Variants in MGST1 observed in about 807,000 individuals in gnomAD.
MGST1 encodes the protein glutathione S-transferase 12.
Under a neutral mutation model 8.9 loss-of-function variants are expected in MGST1, and 5 were observed. The ratio of observed to expected loss-of-function variants is 0.56; its 90% confidence interval spans 0.29 to 1.19. MGST1 has a LOEUF of 1.19. Among genes scored for constraint, MGST1 ranks in the 50% most tolerant of loss-of-function variants. The pLI is 0.08. For synonymous variants in MGST1, 54 were observed against 67.8 expected, an observed-to-expected ratio of 0.80 and a Z score of 1.00; for missense variants, 182 against 187.4, an observed-to-expected ratio of 0.97 and a Z score of 0.17.
chr12:16,351,492 C>T (rs1445175881), intron 1 of MGST1, among the ~76,000 whole-genome samples: 2 of 152,032 alleles, frequency 1.3e-5, no homozygotes, highest in African/African-American at 4.8e-5. Flanking sequence ...TAAATCCAAG[C>T]TGTATATTTT....
At chr12:16,541,583 A>C (rs1342703599) in intron 4 of MGST1, among the ~76,000 whole-genome samples, 1 of 152,220 alleles carries the variant, frequency 6.6e-6, no homozygotes, top group East Asian at 1.9e-4. Context: ...TGGAAATACT[A>C]ACTTTACATT....
downstream of MGST1, among the ~76,000 whole-genome samples, chr12:16,442,315 T>A (rs1941045586): frequency 6.6e-6 from 1 of 151,860 alleles, no homozygotes; most frequent in African/African-American, 2.4e-5. The surrounding 1 kb of genome is among the most constrained non-coding windows in gnomAD (Gnocchi z 4.5). Context: ...GTTTTAATTT[T>A]AATGAAGTCT....
At chr12:16,383,326 C>T (rs1319324680) in exon 1 of MGST1, 2 of 152,274 alleles carry the variant, frequency 1.3e-5, no homozygotes, top group Non-Finnish European at 2.9e-5. Flanking sequence ...TTGCACTCCA[C>T]AGAGGAAGGT....
chr12:16,426,820 A>T (rs1218535648), intron 1 of MGST1, among the ~76,000 whole-genome samples: 6 of 152,056 alleles, frequency 3.9e-5, no homozygotes, highest in Non-Finnish European at 8.8e-5. Flanking sequence ...CAACAAAAAA[A>T]AATTAGCCGG....
intron 4 of MGST1, among the ~76,000 whole-genome samples, chr12:16,524,351 C>G (rs1232587631): frequency 2.6e-5 from 4 of 151,964 alleles, no homozygotes; most frequent in Non-Finnish European, 4.4e-5. Flanking sequence ...AAAAAAAATA[C>G]TTCCAAACCT....
chr12:16,570,887 TTAA>T (rs1486754407), intron 4 of MGST1, among the ~76,000 whole-genome samples: 1 of 152,156 alleles, frequency 6.6e-6, no homozygotes, highest in African/African-American at 2.4e-5. Context: ...TCTTCTAGGG[TTAA>T]TTATTATTAC....
At chr12:16,425,802 T>A (rs1232084406) in intron 1 of MGST1, among the ~76,000 whole-genome samples, 1 of 152,230 alleles carries the variant, frequency 6.6e-6, no homozygotes, top group Non-Finnish European at 1.5e-5. Context: ...TCAAAGTCCT[T>A]ATTTTCCCCA....
intron 1 of MGST1, among the ~76,000 whole-genome samples, chr12:16,418,595 G>A (rs558493570): frequency 2.0e-5 from 3 of 152,134 alleles, no homozygotes; most frequent in South Asian, 2.1e-4. Flanking sequence ...TTAGTTTTCC[G>A]AGAGACTATA....
chr12:16,379,993 A>T (rs1161150606), downstream of MGST1, among the ~76,000 whole-genome samples: 1 of 152,046 alleles, frequency 6.6e-6, no homozygotes, highest in Non-Finnish European at 1.5e-5. Context: ...CGGTGGTGAT[A>T]TCCCCTTTAT....
At chr12:16,485,510 C>G (rs971717570) in intron 4 of MGST1, among the ~76,000 whole-genome samples, 1 of 152,152 alleles carries the variant, frequency 6.6e-6, no homozygotes, top group African/African-American at 2.4e-5. Flanking sequence ...GGATTCATTA[C>G]TTTACCGAAT....
rs1941199630 is a variant in MGST1, at chr12:16,458,998, G to C, written n.482+75394G>C. Among the ~76,000 whole-genome samples, 1 of 151,988 alleles carries C rather than the reference G, an allele frequency of 6.6e-6. No homozygotes were observed. The highest frequency in any genetic ancestry group is 2.4e-5 in the African/African-American group (1 of 41,408). On this transcript the variant is annotated intron_variant and non_coding_transcript_variant, in intron 4 of 4. Coordinates refer to the MGST1 transcript ENST00000538857. This position sits in a 1 kb window ranked among gnomAD's most constrained non-coding sequence, Gnocchi z 4.0. ...CCCAGAGCACTGCTGAGCCTTGTTA[G>C]CAACCCTGGCCTACCTATTATCATC...
intron 4 of MGST1, among the ~76,000 whole-genome samples, chr12:16,536,360 A>G (rs1004282212): frequency 1.3e-5 from 2 of 152,198 alleles, no homozygotes; most frequent in African/African-American, 4.8e-5. Flanking sequence ...AATGAAATCA[A>G]AAATTTCAGA....
At chr12:16,357,498 G>A (rs1168332146) in intron 2 of MGST1, 107 bp from the exon 3 acceptor site, 1 of 807,366 alleles carries the variant, frequency 1.2e-6, no homozygotes, top group Non-Finnish European at 1.9e-6. Context: ...TGAATTCTTG[G>A]GCTCAAGCAA....
chr12:16,512,277 T>A (rs1305361999), intron 4 of MGST1, among the ~76,000 whole-genome samples: 3 of 151,854 alleles, frequency 2.0e-5, no homozygotes, highest in South Asian at 4.2e-4. Flanking sequence ...TTGGTAGCAG[T>A]AAAAAAAATT....
At chr12:16,479,256 A>C (rs1414903278) in intron 4 of MGST1, among the ~76,000 whole-genome samples, 1 of 19,228 alleles carries the variant, frequency 5.2e-5, no homozygotes, top group Admixed American at 5.5e-4. Flanking sequence ...TTTTTTTTTG[A>C]CGGAGTCTCG....
In MGST1 at chr12:16,389,037, A is replaced by G. The variant is rs942806869; in HGVS notation, n.778+5433A>G. The stretch of plus-strand genomic sequence containing the variant: ...TTCAGCTTCTGAACCTTCTTGGGGA[A>G]ATTAAGTTAATCTTGTAAAGTGCCA... On this transcript the variant is annotated intron_variant and non_coding_transcript_variant, in intron 1 of 1. Coordinates refer to the MGST1 transcript ENST00000359720. This position sits in a 1 kb window ranked among gnomAD's most constrained non-coding sequence, Gnocchi z 4.6. 4.6e-5 allele frequency among the ~76,000 whole-genome samples: 7 copies of G among 152,214 alleles called. No homozygotes were observed. Among genetic ancestry groups the G allele is most frequent in the Non-Finnish European group, 7.3e-5 (5 of 68,042 alleles).
At chr12:16,556,229 A>G (rs1591769456) in intron 4 of MGST1, among the ~76,000 whole-genome samples, 1 of 152,182 alleles carries the variant, frequency 6.6e-6, no homozygotes, top group East Asian at 1.9e-4. Flanking sequence ...TCTAAGGAGA[A>G]GGGGCTTATT....
intron 4 of MGST1, among the ~76,000 whole-genome samples, chr12:16,511,131 A>AT (rs1941574078): frequency 6.6e-6 from 1 of 152,306 alleles, no homozygotes; most frequent in African/African-American, 2.4e-5. Context: ...CATTTTTAAA[A>AT]TTTTTTTGAC....
In MGST1 at chr12:16,555,845, G is replaced by A. The variant is rs952681404; in HGVS notation, n.483-33683G>A. On this transcript the variant is annotated intron_variant and non_coding_transcript_variant, in intron 4 of 4. Transcript: ENST00000538857. This position sits in a 1 kb window ranked among gnomAD's most constrained non-coding sequence, Gnocchi z 5.5. ...TGGCTCCCTCATCTTCCCCAACCCC[G>A]AGCAGACACACTTCCTGTAAGTCAA... 6.6e-6 allele frequency among the ~76,000 whole-genome samples: 1 copy of A among 151,884 alleles called. No homozygotes were observed. The highest frequency in any genetic ancestry group is 2.4e-5 in the African/African-American group (1 of 41,346).
Sources: allele counts gnomAD v4.1 joint callset (sites outside exome capture counted in the v4.1 genomes callset), GRCh38; gene constraint gnomAD v4.1.1; non-coding constraint Gnocchi (gnomAD v3.1); transcripts MANE v1.5; gene names NCBI Gene and HGNC (gene_info 2026-07-23, HGNC 2026-07-21).